The following CRISP1 variants were observed in gnomAD, a reference collection of about 807,000 sequenced individuals.
CRISP1 encodes the protein cysteine rich secretory protein 1.
Under a neutral mutation model 33.1 loss-of-function variants are expected in CRISP1, and 44 were observed. That is an observed-to-expected ratio of 1.33 (90% CI 1.05 to 1.71). The LOEUF (loss-of-function observed/expected upper bound fraction) is 1.71, where lower values mean the gene tolerates loss of function less well. CRISP1 is among the 40% of genes most tolerant of loss of function. The pLI, the probability that CRISP1 is intolerant of heterozygous loss-of-function variation, is 0.00. For synonymous variants in CRISP1, 103 were observed against 98.7 expected (o/e 1.04, Z -0.26); for missense variants, 390 against 301.2 (o/e 1.29, Z -2.18).
intron 1 of CRISP1, among the ~76,000 whole-genome samples, chr6:49,875,809 T>C (rs1772022623): frequency 6.6e-6 from 1 of 152,182 alleles, no homozygotes; most frequent in African/African-American, 2.4e-5. Flanking sequence ...AGTATTTCTA[T>C]TGAATAAATG....
chr6:49,841,049 A>G lies in CRISP1; in HGVS notation c.436-54T>C, dbSNP rs528376366. 2.6e-5 allele frequency: 36 copies of G among 1,386,126 alleles called. No individual in the cohort carries two copies. In the East Asian group the frequency reaches 6.0e-4, roughly 23 times the overall value. 85.9% of individuals were successfully genotyped at this position (1,386,126 alleles called of 1,614,324 possible). On this transcript the variant is annotated intron_variant, in intron 5 of 7. Transcript: ENST00000335847. ...AGATTAAATATTTTACTAAATGACT[A>G]TAATATCCATATTGTCATCCATGAT...
chr6:49,843,288 G>A (rs1165209804), intron 5 of CRISP1, among the ~76,000 whole-genome samples: 1 of 152,140 alleles, frequency 6.6e-6, no homozygotes, highest in Admixed American at 6.5e-5. Context: ...GTGTCTAAGT[G>A]TATCAATCTT....
intron 1 of CRISP1, among the ~76,000 whole-genome samples, chr6:49,862,527 AAATTAATCCCAG>A (rs1180589817): frequency 2.3e-4 from 35 of 152,276 alleles, no homozygotes; most frequent in African/African-American, 7.5e-4. Flanking sequence ...AAATCTAGGT[AAATTAATCCCAG>A]AACTTATTTT....
chr6:49,849,805 CCG>C (rs1429029440), intron 3 of CRISP1, among the ~76,000 whole-genome samples: 1 of 151,882 alleles, frequency 6.6e-6, no homozygotes, highest in Non-Finnish European at 1.5e-5. Context: ...ATTTACTAAA[CCG>C]TGAGATGAAT....
chr6:49,847,328 C>T (rs1053643666), intron 4 of CRISP1, among the ~76,000 whole-genome samples: 58 of 152,182 alleles, frequency 3.8e-4, no homozygotes, highest in African/African-American at 1.3e-3. Context: ...ATGTAATCCC[C>T]GTGTTGAAGG....
intron 2 of CRISP1, among the ~76,000 whole-genome samples, chr6:49,855,179 C>A (rs1477315137): frequency 6.6e-6 from 1 of 152,108 alleles, no homozygotes; most frequent in African/African-American, 2.4e-5. Context: ...TACTGTCTAG[C>A]TTTCAACTGG....
intron 7 of CRISP1, among the ~76,000 whole-genome samples, chr6:49,836,805 T>C (rs924797446): frequency 1.1e-4 from 16 of 152,210 alleles, no homozygotes; most frequent in Non-Finnish European, 1.9e-4. Context: ...AGATGAAATA[T>C]GGATGTCATA....
At chr6:49,874,333 GA>G (rs1771987344) in intron 1 of CRISP1, among the ~76,000 whole-genome samples, 1 of 151,972 alleles carries the variant, frequency 6.6e-6, no homozygotes, top group Non-Finnish European at 1.5e-5. Flanking sequence ...AGACCCAATT[GA>G]TTTCAGATAA....
upstream of CRISP1, among the ~76,000 whole-genome samples, chr6:49,867,630 T>C (rs1015439955): frequency 6.6e-6 from 1 of 152,008 alleles, no homozygotes; most frequent in Non-Finnish European, 1.5e-5. Context: ...TGTTAAAGTA[T>C]ATAATGAATG....
At chr6:49,874,475 C>G (rs1771990379) in intron 1 of CRISP1, among the ~76,000 whole-genome samples, 1 of 152,030 alleles carries the variant, frequency 6.6e-6, no homozygotes, top group African/African-American at 2.4e-5. Flanking sequence ...TAACTTTCCT[C>G]CTGGGGTAGG....
At chr6:49,843,479 T>C (rs1163210562) in intron 5 of CRISP1, among the ~76,000 whole-genome samples, 1 of 152,180 alleles carries the variant, frequency 6.6e-6, no homozygotes, top group African/African-American at 2.4e-5. Flanking sequence ...TGTGAGAACA[T>C]AGTGAAAGGA....
At chr6:49,864,427 T>C (rs972425377) in intron 1 of CRISP1, among the ~76,000 whole-genome samples, 2 of 134,628 alleles carry the variant, frequency 1.5e-5, no homozygotes, top group African/African-American at 5.6e-5. Flanking sequence ...TGTGTGTGTA[T>C]GTGTTTGGAT....
At chr6:49,850,485 G>A (rs1299216215) in intron 3 of CRISP1, among the ~76,000 whole-genome samples, 1 of 151,690 alleles carries the variant, frequency 6.6e-6, no homozygotes, top group African/African-American at 2.4e-5. Flanking sequence ...CTAATATTGT[G>A]TTCAGAAACT....
chr6:49,871,566 C>T (rs1226490852), intron 1 of CRISP1, among the ~76,000 whole-genome samples: 1 of 103,724 alleles, frequency 9.6e-6, no homozygotes, highest in East Asian at 3.4e-4. Context: ...CGCCCCACAA[C>T]AGGCCCCAGT....
In CRISP1 at chr6:49,844,472, C is replaced by T. The variant is rs539815258; in HGVS notation, c.435+2048G>A. ...CCCACTACAGGTCCAGGGAGCAAGG[C>T]TGCTTCCTGCTTAGCTTCAAACAGT... On this transcript the variant is annotated intron_variant, in intron 5 of 7. Transcript: ENST00000335847. Among the ~76,000 whole-genome samples the T allele has an allele frequency of 1.4e-4, 22 of 152,282 alleles. No individual in the cohort carries two copies. In the East Asian group the frequency reaches 3.9e-3, roughly 27 times the overall value.
intron 6 of CRISP1, among the ~76,000 whole-genome samples, chr6:49,838,937 A>C (rs1770893519): frequency 6.6e-6 from 1 of 152,216 alleles, no homozygotes; most frequent in Non-Finnish European, 1.5e-5. Context: ...AATGTTAAGA[A>C]GAAAATCTCA....
chr6:49,875,941 A>G (rs114961860), intron 1 of CRISP1, among the ~76,000 whole-genome samples: 1 of 151,948 alleles, frequency 6.6e-6, no homozygotes, highest in Non-Finnish European at 1.5e-5. Flanking sequence ...AACTACAAAA[A>G]CCCTAAAAAA....
intron 1 of CRISP1, among the ~76,000 whole-genome samples, chr6:49,874,425 A>T (rs753638253): frequency 1.3e-5 from 2 of 152,198 alleles, no homozygotes; most frequent in Non-Finnish European, 2.9e-5. Flanking sequence ...ATAATGTGCA[A>T]AGAGTAATGA....
At chr6:49,870,434 T>C (rs2127479438), upstream of CRISP1, among the ~76,000 whole-genome samples, 1 of 152,194 alleles carries the variant, frequency 6.6e-6, no homozygotes, top group South Asian at 2.1e-4. Context: ...GGAGTTATTG[T>C]AGGTTGGAAA....
Sources: allele counts gnomAD v4.1 joint callset (sites outside exome capture counted in the v4.1 genomes callset), GRCh38; gene constraint gnomAD v4.1.1; transcripts MANE v1.5; gene names NCBI Gene and HGNC (gene_info 2026-07-23, HGNC 2026-07-21).